The following NR5A2 variants were observed in gnomAD, a reference collection of about 807,000 sequenced individuals.
NR5A2 encodes CYP7A promoter-binding factor.
A neutral mutation model predicts 62.7 loss-of-function variants in NR5A2; 26 were observed. That is an observed-to-expected ratio of 0.41 (90% CI 0.30 to 0.58). NR5A2 has a LOEUF of 0.58. Ranked by LOEUF, NR5A2 falls within the 20% of genes least tolerant of loss-of-function variation. The probability of loss-of-function intolerance (pLI) is 0.22; values close to 1 mark genes in which losing one functional copy is unlikely to be tolerated. For missense variants in NR5A2, 541 were observed against 669.1 expected (o/e 0.81, Z 2.11); for synonymous variants, 246 against 241.7 (o/e 1.02, Z -0.16).
At chr1:200,148,268 G>T in intron 7 of NR5A2, 1 of 205,860 alleles carries the variant, frequency 4.9e-6, no homozygotes, top group South Asian at 1.2e-4. Context: ...CATTCCCTCG[G>T]AGGGCAGCCA....
At chr1:200,165,140 G>C (rs1402936909) in intron 7 of NR5A2, among the ~76,000 whole-genome samples, 1 of 152,048 alleles carries the variant, frequency 6.6e-6, no homozygotes, top group African/African-American at 2.4e-5. Flanking sequence ...GCCTCCCAAA[G>C]TGCTGGGATT....
intron 3 of NR5A2, among the ~76,000 whole-genome samples, chr1:200,044,744 CATATT>C (rs1242286570): frequency 1.1e-4 from 16 of 152,032 alleles, no homozygotes; most frequent in Non-Finnish European, 1.8e-4. Flanking sequence ...TGGTAAATCT[CATATT>C]ATAAAGCTAC....
chr1:200,128,068 A>C (rs145344708), intron 7 of NR5A2, among the ~76,000 whole-genome samples: 1 of 152,100 alleles, frequency 6.6e-6, no homozygotes. Flanking sequence ...CTCTTAATTC[A>C]CTCAGTTTCT....
intron 7 of NR5A2, among the ~76,000 whole-genome samples, chr1:200,146,101 C>T (rs748761927): frequency 3.4e-5 from 5 of 147,546 alleles, no homozygotes; most frequent in Non-Finnish European, 7.4e-5. Flanking sequence ...ATATTAAAGA[C>T]TACTAAGTAC....
chr1:200,071,056 T>C (rs1663720261), intron 5 of NR5A2, among the ~76,000 whole-genome samples: 1 of 152,236 alleles, frequency 6.6e-6, no homozygotes, highest in Non-Finnish European at 1.5e-5. Flanking sequence ...GTCGTCCTTT[T>C]TAGAGCAATT....
At chr1:200,034,327 A>G (rs1661667236) in intron 1 of NR5A2, among the ~76,000 whole-genome samples, 1 of 152,090 alleles carries the variant, frequency 6.6e-6, no homozygotes, top group African/African-American at 2.4e-5. Context: ...ACAGAGAGGA[A>G]GAGATAGATT....
At chr1:200,149,292 A>G (rs1041793368) in intron 7 of NR5A2, among the ~76,000 whole-genome samples, 2 of 152,206 alleles carry the variant, frequency 1.3e-5, no homozygotes, top group Non-Finnish European at 2.9e-5. Context: ...AAGAGTGACC[A>G]TGGCTGATGA....
chr1:200,152,842 CA>C (rs765990124), intron 7 of NR5A2, among the ~76,000 whole-genome samples: 34 of 152,238 alleles, frequency 2.2e-4, no homozygotes, highest in Non-Finnish European at 4.6e-4. Context: ...TTTAATGCTC[CA>C]AAAGGTATGC....
intron 1 of NR5A2, among the ~76,000 whole-genome samples, chr1:200,036,455 G>A (rs1481552201): frequency 6.6e-6 from 1 of 152,214 alleles, no homozygotes; most frequent in Non-Finnish European, 1.5e-5. Flanking sequence ...TGAGGGAGAA[G>A]AAAGGGTGCA....
At chr1:200,170,588 A>G (rs1366069650) in intron 7 of NR5A2, among the ~76,000 whole-genome samples, 3 of 152,176 alleles carry the variant, frequency 2.0e-5, no homozygotes, top group Admixed American at 2.0e-4. Context: ...TCTGTGAACT[A>G]CCTCAATTAC....
chr1:200,141,495 T>A (rs1667442535), intron 7 of NR5A2, among the ~76,000 whole-genome samples: 1 of 152,232 alleles, frequency 6.6e-6, no homozygotes. Flanking sequence ...CACAGTTTGC[T>A]TAACCCTTCA....
At chr1:200,095,124 A>G (rs1414772260) in intron 5 of NR5A2, among the ~76,000 whole-genome samples, 2 of 33,570 alleles carry the variant, frequency 6.0e-5, no homozygotes, top group Non-Finnish European at 1.4e-4. Context: ...CCTTTTTAAT[A>G]AAAAGAAAAA....
Position 200,039,910 on chromosome 1 carries a change from C to G in NR5A2, c.202+115C>G. ...CGCGGGAGTAGCCCCGCTGGGCGCT[C>G]GCAGCCGCGGGAGTCAAGCCCCCTC... On this transcript the variant is annotated intron_variant, in intron 2 of 7. Transcript: ENST00000367362. This position sits in a 1 kb window ranked among gnomAD's most constrained non-coding sequence, Gnocchi z 5.1. 3.3e-6 allele frequency: 4 copies of G among 1,230,502 alleles called. No homozygotes were observed. Among genetic ancestry groups the G allele is most frequent in the Non-Finnish European group, 4.3e-6 (4 of 927,226 alleles). 76.2% of individuals were successfully genotyped at this position (1,230,502 alleles called of 1,614,324 possible).
chr1:200,084,040 A>T (rs1279050912), intron 5 of NR5A2, among the ~76,000 whole-genome samples: 1 of 151,498 alleles, frequency 6.6e-6, no homozygotes, highest in African/African-American at 2.4e-5. Context: ...GGTAGGTCAG[A>T]TATTCTTAAG....
At chr1:200,138,082 TC>T in intron 7 of NR5A2, among the ~76,000 whole-genome samples, 1 of 152,212 alleles carries the variant, frequency 6.6e-6, no homozygotes, top group Admixed American at 6.5e-5. Flanking sequence ...TTTTCACTGA[TC>T]CATGGTATTT....
In NR5A2 at chr1:200,076,404, T is replaced by C. The variant is rs554844438; in HGVS notation, c.1110+27586T>C. Among the ~76,000 whole-genome samples the C allele has an allele frequency of 2.0e-5, 3 of 152,166 alleles. No individual in the cohort carries two copies. The South Asian group carries it at 6.2e-4, about 32-fold the overall frequency. On this transcript the variant is annotated intron_variant, in intron 5 of 7. Transcript: ENST00000367362. ...GATACTATGTGGCAACTTTCCCAAA[T>C]GAAATTGTTTGTGGATGGAAAAGAA...
chr1:200,045,609 C>T, intron 4 of NR5A2, 25 bp downstream of exon 4: 1 of 1,586,602 alleles, frequency 6.3e-7, no homozygotes, highest in Non-Finnish European at 8.6e-7. Context: ...AAGACTACTG[C>T]CTATTAAAAC....
chr1:200,071,485 G>A (rs1021374492), intron 5 of NR5A2, among the ~76,000 whole-genome samples: 1 of 152,154 alleles, frequency 6.6e-6, no homozygotes, highest in Non-Finnish European at 1.5e-5. Context: ...AAAATCTGTT[G>A]TTTCATTACA....
intron 7 of NR5A2, among the ~76,000 whole-genome samples, chr1:200,122,858 A>T (rs1666539078): frequency 6.6e-6 from 1 of 152,222 alleles, no homozygotes; most frequent in Non-Finnish European, 1.5e-5. Context: ...GCAGGAGAAA[A>T]GTAACCAGTA....
Sources: allele counts gnomAD v4.1 joint callset (sites outside exome capture counted in the v4.1 genomes callset), GRCh38; gene constraint gnomAD v4.1.1; non-coding constraint Gnocchi (gnomAD v3.1); transcripts MANE v1.5; gene names NCBI Gene and HGNC (gene_info 2026-07-23, HGNC 2026-07-21).